STK32B: variants seen among roughly 807,000 people sequenced by gnomAD.
The protein encoded by STK32B is serine/threonine-protein kinase 32B.
STK32B carries 43 observed loss-of-function variants against 52.6 expected under a neutral mutation model. The observed-to-expected ratio is 0.82, with a 90% CI of 0.64 to 1.05. STK32B has a LOEUF of 1.05. Among genes scored for constraint, STK32B ranks in the 50% least tolerant of loss-of-function variants. The pLI is 0.00. For missense variants in STK32B, 621 were observed against 534.6 expected (o/e 1.16, Z -1.59); for synonymous variants, 238 against 204.3 (o/e 1.17, Z -1.41).
At chr4:5,437,324 G>A (rs1480422138) in intron 6 of STK32B, among the ~76,000 whole-genome samples, 1 of 152,244 alleles carries the variant, frequency 6.6e-6, no homozygotes, top group Admixed American at 6.5e-5. Flanking sequence ...CAAGGGGCCA[G>A]CAGGGCCATG....
At chr4:5,342,371 T>TA (rs1203860493) in intron 4 of STK32B, among the ~76,000 whole-genome samples, 9 of 152,068 alleles carry the variant, frequency 5.9e-5, no homozygotes, top group African/African-American at 1.9e-4. Flanking sequence ...TATGCAGCCA[T>TA]AAAAAAGGAT....
intron 3 of STK32B, among the ~76,000 whole-genome samples, chr4:5,235,210 C>T (rs1724538917): frequency 1.3e-5 from 2 of 152,214 alleles, no homozygotes; most frequent in South Asian, 4.1e-4. Flanking sequence ...GATTGCACTG[C>T]CTGTTGCACA....
At chr4:5,406,031 A>C (rs1737638074) in intron 5 of STK32B, among the ~76,000 whole-genome samples, 1 of 152,188 alleles carries the variant, frequency 6.6e-6, no homozygotes. Context: ...GAGTCTGTAA[A>C]ATCAAAAACA....
intron 3 of STK32B, among the ~76,000 whole-genome samples, chr4:5,279,247 T>TG (rs1728036772): frequency 2.0e-5 from 3 of 152,164 alleles, no homozygotes; most frequent in Admixed American, 1.3e-4. Flanking sequence ...CAAGATACAG[T>TG]GGGGGTACAG....
At chr4:5,097,023 A>C (rs552184377) in intron 1 of STK32B, among the ~76,000 whole-genome samples, 1 of 152,308 alleles carries the variant, frequency 6.6e-6, no homozygotes, top group African/African-American at 2.4e-5. Context: ...AACTTATCCA[A>C]CTCACAAGAG....
At chr4:5,086,036 G>A (rs1048196060) in intron 1 of STK32B, among the ~76,000 whole-genome samples, 6 of 152,210 alleles carry the variant, frequency 3.9e-5, no homozygotes, top group Non-Finnish European at 5.9e-5. Context: ...ACATTTACAG[G>A]AAAATGTTCC....
the STK32B span, among the ~76,000 whole-genome samples, chr4:5,044,743 A>G: frequency 6.6e-6 from 1 of 152,108 alleles, no homozygotes; most frequent in Non-Finnish European, 1.5e-5. Context: ...CCCTGTCTCT[A>G]CAAACTTAAA....
At chr4:5,486,617 G>C (rs920021285) in intron 11 of STK32B, among the ~76,000 whole-genome samples, 1 of 152,216 alleles carries the variant, frequency 6.6e-6, no homozygotes, top group East Asian at 1.9e-4. Flanking sequence ...ACACTCCCCA[G>C]TGAGATGAAC....
chr4:5,395,394 A>G lies in STK32B; in HGVS notation c.435-2813A>G, dbSNP rs1736821963. Among the ~76,000 whole-genome samples the G allele has an allele frequency of 6.6e-6, 1 of 152,180 alleles. No homozygotes were observed. The highest frequency in any genetic ancestry group is 2.4e-5 in the African/African-American group (1 of 41,440). On this transcript the variant is annotated intron_variant, in intron 4 of 11. Coordinates refer to ENST00000282908, the MANE Select transcript of STK32B (RefSeq NM_018401.3). The surrounding 1 kb of genome is among the most constrained non-coding windows in gnomAD (Gnocchi z 4.4). ...TCTGCAAAATGAGAACTTGCTCACTACATGATGCACAGCTGGCCTTTTCTT... is the reference window on the plus strand; with the variant it reads ...TCTGCAAAATGAGAACTTGCTCACTGCATGATGCACAGCTGGCCTTTTCTT...
At chr4:5,426,620 G>T (rs1290719329) in intron 6 of STK32B, among the ~76,000 whole-genome samples, 1 of 144,774 alleles carries the variant, frequency 6.9e-6, no homozygotes, top group Non-Finnish European at 1.5e-5. Flanking sequence ...AGGCCAGGAG[G>T]CGGAGGTTGC....
At chr4:5,427,290 G>A (rs1222308590) in intron 6 of STK32B, among the ~76,000 whole-genome samples, 1 of 152,086 alleles carries the variant, frequency 6.6e-6, no homozygotes, top group African/African-American at 2.4e-5. Flanking sequence ...TTGAATCAAT[G>A]TACTAATATC....
intron 3 of STK32B, among the ~76,000 whole-genome samples, chr4:5,284,206 C>G (rs984367190): frequency 6.6e-6 from 1 of 151,830 alleles, no homozygotes; most frequent in Non-Finnish European, 1.5e-5. Flanking sequence ...TCATGGCACC[C>G]GCAAAGCAAA....
chr4:5,391,598 C>A (rs1052883387), intron 4 of STK32B, among the ~76,000 whole-genome samples: 4 of 152,160 alleles, frequency 2.6e-5, no homozygotes, highest in African/African-American at 9.7e-5. Flanking sequence ...CAGGGAAAGA[C>A]CGAGGCACCC....
chr4:5,279,796 G>A (rs147837428), intron 3 of STK32B, among the ~76,000 whole-genome samples: 1,585 of 152,318 alleles, frequency 0.01, 30 homozygotes, highest in African/African-American at 0.036. Context: ...GGAAGCCACC[G>A]AGGCTGGGGA....
chr4:5,187,513 C>A (rs916445566), intron 3 of STK32B, among the ~76,000 whole-genome samples: 1 of 151,324 alleles, frequency 6.6e-6, no homozygotes, highest in Non-Finnish European at 1.5e-5. Flanking sequence ...AAATATATAG[C>A]CAACAAGAGT....
At chr4:5,046,149 G>T in the STK32B span, among the ~76,000 whole-genome samples, 160 of 152,204 alleles carry the variant, frequency 1.1e-3, 1 homozygote, top group Non-Finnish European at 1.7e-3. Flanking sequence ...CAGCATGGTA[G>T]TGGTACCAAA....
At chr4:5,080,917 G>A (rs1712377839) in intron 1 of STK32B, among the ~76,000 whole-genome samples, 1 of 151,980 alleles carries the variant, frequency 6.6e-6, no homozygotes, top group African/African-American at 2.4e-5. Flanking sequence ...ATTTTATATG[G>A]GAAAGTCTGT....
intron 4 of STK32B, chr4:5,345,360 C>T (rs1333161036): frequency 2.0e-5 from 3 of 149,188 alleles, no homozygotes; most frequent in Middle Eastern, 3.2e-3. Flanking sequence ...ATGCTTCAAA[C>T]TCTGTCTTTA....
At chr4:5,158,892 T>A (rs1197945630) in intron 2 of STK32B, among the ~76,000 whole-genome samples, 1 of 152,192 alleles carries the variant, frequency 6.6e-6, no homozygotes, top group Non-Finnish European at 1.5e-5. Context: ...AGTCGCATCC[T>A]GAGGTGCTAG....
Sources: allele counts gnomAD v4.1 joint callset (sites outside exome capture counted in the v4.1 genomes callset), GRCh38; gene constraint gnomAD v4.1.1; non-coding constraint Gnocchi (gnomAD v3.1); transcripts MANE v1.5; gene names NCBI Gene and HGNC (gene_info 2026-07-23, HGNC 2026-07-21).